The following UBE2G1 variants were observed in gnomAD, a reference collection of about 807,000 sequenced individuals.
UBE2G1 encodes the protein ubiquitin-conjugating enzyme E2 G1.
In UBE2G1, 5 loss-of-function variants were observed where a neutral mutation model predicts 22.7. The ratio of observed to expected loss-of-function variants is 0.22; its 90% CI spans 0.12 to 0.46. The LOEUF (loss-of-function observed/expected upper bound fraction) is 0.46. Among genes scored for constraint, UBE2G1 ranks in the 20% least tolerant of loss-of-function variants. UBE2G1 has a pLI of 0.99. For synonymous variants in UBE2G1, 74 were observed against 67.5 expected (o/e 1.10, Z -0.47); for missense variants, 88 against 203.9 (o/e 0.43, Z 3.46).
At chr17:4,350,413 T>A (rs1969831877) in intron 1 of UBE2G1, among the ~76,000 whole-genome samples, 1 of 151,884 alleles carries the variant, frequency 6.6e-6, no homozygotes, top group African/African-American at 2.4e-5. Context: ...AAGCTGAGAT[T>A]GTGCCACTGC....
At chr17:4,273,479 C>T (rs966343654) in intron 5 of UBE2G1, among the ~76,000 whole-genome samples, 4 of 151,946 alleles carry the variant, frequency 2.6e-5, no homozygotes, top group Non-Finnish European at 5.9e-5. Context: ...CAGCTGGGAC[C>T]ACAGGCACAC....
intron 4 of UBE2G1, among the ~76,000 whole-genome samples, chr17:4,287,768 G>A (rs1262748363): frequency 6.6e-6 from 1 of 151,966 alleles, no homozygotes; most frequent in African/African-American, 2.4e-5. Context: ...GCTTTTCAAA[G>A]AAGGAGAGAA....
At chr17:4,295,502 A>G (rs557850856) in intron 3 of UBE2G1, among the ~76,000 whole-genome samples, 1 of 152,328 alleles carries the variant, frequency 6.6e-6, no homozygotes, top group African/African-American at 2.4e-5. Context: ...ACTTCATTCA[A>G]TCATTCATTC....
At chr17:4,366,230 G>A (rs554061373) in intron 1 of UBE2G1, 41 bp downstream of exon 1, 5 of 1,514,326 alleles carry the variant, frequency 3.3e-6, no homozygotes, top group Non-Finnish European at 4.4e-6. Context: ...GGCTGTCCGC[G>A]ATCGCGGCCG....
At chr17:4,316,896 T>G in intron 1 of UBE2G1, among the ~76,000 whole-genome samples, 1 of 139,578 alleles carries the variant, frequency 7.2e-6, no homozygotes, top group African/African-American at 2.8e-5. Flanking sequence ...CCTAAGAAGG[T>G]GCCAATGCAC....
chr17:4,276,137 C>G (rs1458331588), intron 5 of UBE2G1, among the ~76,000 whole-genome samples: 1 of 152,180 alleles, frequency 6.6e-6, no homozygotes, highest in Non-Finnish European at 1.5e-5. Flanking sequence ...CTTCTAACCT[C>G]TATCCTAACC....
At position 4,269,939 on chromosome 17, in the gene UBE2G1, G is replaced by C. The variant is rs772281263; in HGVS notation, c.*2615C>G. 1 of 152,744 alleles carries C rather than the reference G, an allele frequency of 6.5e-6. No homozygotes were observed. The highest frequency in any genetic ancestry group is 2.4e-5 in the African/African-American group (1 of 41,412). 9.5% of individuals were successfully genotyped at this position (152,744 alleles called of 1,614,324 possible). On this transcript the variant is annotated 3_prime_UTR_variant, in exon 6 of 6. Transcript: ENST00000396981. ...TCAGTGTCACCTGAATGTGGGTTTC[G>C]TATCAAATGTAGAGGCATTTAAATT...
intron 1 of UBE2G1, among the ~76,000 whole-genome samples, chr17:4,332,867 T>C (rs1567525649): frequency 2.0e-5 from 3 of 152,182 alleles, no homozygotes; most frequent in South Asian, 2.1e-4. Flanking sequence ...CCCACCCCCT[T>C]ACACACTCCT....
chr17:4,315,600 C>T (rs1386188786), intron 1 of UBE2G1, among the ~76,000 whole-genome samples: 1 of 150,986 alleles, frequency 6.6e-6, no homozygotes, highest in Non-Finnish European at 1.5e-5. Flanking sequence ...AATAGCCGGG[C>T]GTGGTGGCGG....
chr17:4,355,495 A>C (rs1425270420), intron 1 of UBE2G1, among the ~76,000 whole-genome samples: 1 of 148,460 alleles, frequency 6.7e-6, no homozygotes, highest in Non-Finnish European at 1.5e-5. Context: ...TACAAAAATT[A>C]GCCGGTTGTG....
At chr17:4,361,645 GAC>G (rs1017749511) in intron 1 of UBE2G1, among the ~76,000 whole-genome samples, 10 of 152,074 alleles carry the variant, frequency 6.6e-5, no homozygotes, top group Admixed American at 5.9e-4. Flanking sequence ...TCTCTGAAAA[GAC>G]ACATTTGTCA....
At chr17:4,281,593 C>A (rs1968892925) in intron 5 of UBE2G1, among the ~76,000 whole-genome samples, 2 of 152,140 alleles carry the variant, frequency 1.3e-5, no homozygotes, top group African/African-American at 4.8e-5. Context: ...ATAGGTCTTA[C>A]GAATCATCTG....
intron 1 of UBE2G1, chr17:4,345,780 T>C (rs1184138897): frequency 6.6e-6 from 1 of 152,192 alleles, no homozygotes; most frequent in Non-Finnish European, 1.5e-5. Context: ...TTGTTGATCT[T>C]CAGAGCATGA....
intron 4 of UBE2G1, among the ~76,000 whole-genome samples, chr17:4,285,007 A>G (rs1433981017): frequency 6.6e-6 from 1 of 151,330 alleles, no homozygotes; most frequent in East Asian, 1.9e-4. Context: ...CACCACACCC[A>G]GCTGATTTTT....
At chr17:4,356,594 G>A (rs894921917) in intron 1 of UBE2G1, among the ~76,000 whole-genome samples, 53 of 151,686 alleles carry the variant, frequency 3.5e-4, no homozygotes, top group East Asian at 2.0e-4. Flanking sequence ...GTAGCTGTGC[G>A]TGGTGGCTCA....
intron 1 of UBE2G1, among the ~76,000 whole-genome samples, chr17:4,311,772 A>G (rs554756633): frequency 1.3e-5 from 2 of 152,296 alleles, no homozygotes; most frequent in East Asian, 3.9e-4. Flanking sequence ...CTTTAACACC[A>G]TTACCTATAA....
chr17:4,287,900 G>A (rs1335968515), intron 4 of UBE2G1, among the ~76,000 whole-genome samples: 1 of 151,996 alleles, frequency 6.6e-6, no homozygotes, highest in Non-Finnish European at 1.5e-5. Context: ...CAGGATAGGG[G>A]CGTGGCAGCT....
chr17:4,342,074 C>G (rs1969718649), intron 1 of UBE2G1, among the ~76,000 whole-genome samples: 1 of 152,168 alleles, frequency 6.6e-6, no homozygotes, highest in South Asian at 2.1e-4. Flanking sequence ...TAACAATTTC[C>G]CACTTTATAT....
At chr17:4,274,559 A>G (rs1367919884) in intron 5 of UBE2G1, among the ~76,000 whole-genome samples, 1 of 152,174 alleles carries the variant, frequency 6.6e-6, no homozygotes, top group Non-Finnish European at 1.5e-5. Flanking sequence ...GTGGGGAGAA[A>G]GAAAGCCATT....
Sources: allele counts gnomAD v4.1 joint callset (sites outside exome capture counted in the v4.1 genomes callset), GRCh38; gene constraint gnomAD v4.1.1; transcripts MANE v1.5; gene names NCBI Gene and HGNC (gene_info 2026-07-23, HGNC 2026-07-21).